SLC25A21: variants seen among roughly 807,000 people sequenced by gnomAD.
SLC25A21 encodes the protein mitochondrial 2-oxodicarboxylate carrier.
Under a neutral mutation model 43.8 loss-of-function variants are expected in SLC25A21, and 47 were observed. The observed-to-expected ratio is 1.07, with a 90% CI of 0.85 to 1.37. SLC25A21 has a LOEUF of 1.37. Among genes scored for constraint, SLC25A21 ranks in the 40% most tolerant of loss-of-function variants. The pLI, the probability that SLC25A21 is intolerant of heterozygous loss-of-function variation, is 0.00. For missense variants in SLC25A21, 352 were observed against 350.2 expected, an observed-to-expected ratio of 1.00 and a Z score of -0.04; for synonymous variants, 131 against 121.3, an observed-to-expected ratio of 1.08 and a Z score of -0.52.
rs34412756 is a variant in SLC25A21 at position 37,040,040 on chromosome 14, T to TA, written c.70+132240dup. 3.1e-4 allele frequency among the ~76,000 whole-genome samples: 46 copies of TA among 146,978 alleles called. 1 individual carries two copies. The highest frequency in any genetic ancestry group is 1.1e-3 in the Admixed American group (16 of 14,638). On this transcript the variant is annotated intron_variant, in intron 1 of 9. Coordinates refer to ENST00000331299, the MANE Select transcript of SLC25A21 (RefSeq NM_030631.4). The stretch of plus-strand genomic sequence containing the variant: ...TGAAACCCCATCTCTACTAAAAATA[T>TA]AAAAAAAAAATTAGCTGCGTGTGGT...
intron 1 of SLC25A21, among the ~76,000 whole-genome samples, chr14:36,931,007 T>C (rs1305246005): frequency 2.0e-5 from 3 of 152,096 alleles, no homozygotes; most frequent in Non-Finnish European, 2.9e-5. Context: ...CTGAGATGCT[T>C]CCCTGAACTG....
chr14:36,709,796 A>G (rs925589734), intron 7 of SLC25A21, among the ~76,000 whole-genome samples: 5 of 152,122 alleles, frequency 3.3e-5, no homozygotes, highest in Admixed American at 6.5e-5. Flanking sequence ...GGTTAGCCAT[A>G]CTAGAAATAG....
rs551743642 is a variant in SLC25A21 at position 36,961,842 on chromosome 14, C to T, written c.71-86838G>A. The stretch of plus-strand genomic sequence containing the variant: ...AGTATTCTCTGATTCCTAAAATCCT[C>T]CAGGAGCTAGAGCAGTTGTGAGAGC... On this transcript the variant is annotated intron_variant, in intron 1 of 9. Coordinates refer to ENST00000331299, the MANE Select transcript of SLC25A21 (RefSeq NM_030631.4). Among the ~76,000 whole-genome samples, 3 of 152,268 alleles carry T rather than the reference C, an allele frequency of 2.0e-5. No homozygotes were observed. The East Asian group carries it at 5.8e-4, about 29-fold the overall frequency.
chr14:36,927,560 T>A (rs947741464), intron 1 of SLC25A21, among the ~76,000 whole-genome samples: 1 of 152,186 alleles, frequency 6.6e-6, no homozygotes, highest in Admixed American at 6.5e-5. Context: ...CCCATGGGAA[T>A]CTGTGGCCAT....
chr14:37,006,633 C>G (rs867012725), intron 1 of SLC25A21, among the ~76,000 whole-genome samples: 1 of 150,638 alleles, frequency 6.6e-6, no homozygotes, highest in Non-Finnish European at 1.5e-5. Context: ...TTCTGAAATG[C>G]TACTCCAGAA....
chr14:37,020,974 G>C (rs889949743), intron 1 of SLC25A21, among the ~76,000 whole-genome samples: 1 of 151,928 alleles, frequency 6.6e-6, no homozygotes, highest in Non-Finnish European at 1.5e-5. Context: ...CCAATTTAAA[G>C]GTATACATTT....
chr14:37,060,449 C>T (rs1276201805), intron 1 of SLC25A21, among the ~76,000 whole-genome samples: 1 of 149,696 alleles, frequency 6.7e-6, no homozygotes, highest in East Asian at 1.9e-4. Context: ...AGAAGTAGGG[C>T]ATGGTGGAAA....
chr14:37,050,268 G>A (rs1044584716), intron 1 of SLC25A21, among the ~76,000 whole-genome samples: 6 of 152,184 alleles, frequency 3.9e-5, no homozygotes, highest in Non-Finnish European at 8.8e-5. Flanking sequence ...TATTTGTGTT[G>A]TGTTTGTGTA....
intron 1 of SLC25A21, among the ~76,000 whole-genome samples, chr14:37,064,670 A>C (rs1283079111): frequency 4.6e-5 from 7 of 152,018 alleles, no homozygotes; most frequent in African/African-American, 1.7e-4. Context: ...TGCTACCACC[A>C]TCACCAACAC....
At chr14:37,069,064 C>G (rs898978837) in intron 1 of SLC25A21, among the ~76,000 whole-genome samples, 5 of 152,012 alleles carry the variant, frequency 3.3e-5, no homozygotes, top group African/African-American at 1.2e-4. Flanking sequence ...GTAGTTCCAG[C>G]TACTCTGGAG....
At chr14:36,776,618 G>C (rs187848170) in intron 3 of SLC25A21, among the ~76,000 whole-genome samples, 3 of 152,124 alleles carry the variant, frequency 2.0e-5, no homozygotes, top group Admixed American at 2.0e-4. Context: ...CAACTGTAGG[G>C]TTCCCTTGTC....
intron 3 of SLC25A21, among the ~76,000 whole-genome samples, chr14:36,795,072 T>C (rs879259711): frequency 5.9e-5 from 9 of 152,184 alleles, no homozygotes; most frequent in Non-Finnish European, 1.3e-4. Flanking sequence ...CAGACCACCC[T>C]AATAAGAGTA....
At chr14:36,748,328 G>A (rs951687481) in intron 3 of SLC25A21, among the ~76,000 whole-genome samples, 11 of 152,158 alleles carry the variant, frequency 7.2e-5, no homozygotes, top group African/African-American at 2.2e-4. Context: ...TTTGAGGAAC[G>A]GCTGAGCCAA....
At chr14:37,085,998 C>T (rs1029443006) in intron 1 of SLC25A21, among the ~76,000 whole-genome samples, 1 of 151,776 alleles carries the variant, frequency 6.6e-6, no homozygotes, top group African/African-American at 2.4e-5. Context: ...CCAGCTACTC[C>T]GGAGGCTGAG....
chr14:37,038,254 A>G (rs980168463), intron 1 of SLC25A21, among the ~76,000 whole-genome samples: 1 of 152,154 alleles, frequency 6.6e-6, no homozygotes, highest in Non-Finnish European at 1.5e-5. Flanking sequence ...CATGGGGCTC[A>G]GAGTTTCTGA....
At chr14:36,762,659 G>A (rs1886204795) in intron 3 of SLC25A21, among the ~76,000 whole-genome samples, 1 of 152,198 alleles carries the variant, frequency 6.6e-6, no homozygotes, top group African/African-American at 2.4e-5. Context: ...TCAATTCTTA[G>A]TTCTGCTACT....
chr14:36,779,841 G>A (rs937480798), intron 3 of SLC25A21, among the ~76,000 whole-genome samples: 4 of 151,642 alleles, frequency 2.6e-5, no homozygotes, highest in African/African-American at 9.7e-5. Flanking sequence ...TACCATGGTA[G>A]TTCTATTTTG....
At chr14:37,141,339 T>G (rs1963567234) in intron 1 of SLC25A21, among the ~76,000 whole-genome samples, 3 of 152,166 alleles carry the variant, frequency 2.0e-5, no homozygotes, top group African/African-American at 7.2e-5. Context: ...ATGTAAAGCA[T>G]GTTTTTGTGT....
chr14:37,154,559 C>T (rs887894671), intron 1 of SLC25A21, among the ~76,000 whole-genome samples: 8 of 151,334 alleles, frequency 5.3e-5, no homozygotes, highest in Non-Finnish European at 1.2e-4. Flanking sequence ...CAGTATAATG[C>T]AAAATATTGA....
Sources: allele counts gnomAD v4.1 joint callset (sites outside exome capture counted in the v4.1 genomes callset), GRCh38; gene constraint gnomAD v4.1.1; transcripts MANE v1.5; gene names NCBI Gene and HGNC (gene_info 2026-07-23, HGNC 2026-07-21).